The following PRKG1 variants were observed in gnomAD, a reference collection of about 807,000 sequenced individuals.
PRKG1 encodes cGMP-dependent protein kinase 1.
A neutral mutation model predicts 88.1 loss-of-function variants in PRKG1; 35 were observed. That is an observed-to-expected ratio of 0.40 (90% CI 0.30 to 0.53). PRKG1 has a LOEUF of 0.53. PRKG1 is among the 20% of genes least tolerant of loss of function. PRKG1 has a pLI of 0.59. For missense variants in PRKG1, 540 were observed against 839.8 expected (o/e 0.64, Z 4.41); for synonymous variants, 303 against 292.5 (o/e 1.04, Z -0.37).
chr10:51,359,257 T>TA (rs1184581028), intron 2 of PRKG1, among the ~76,000 whole-genome samples: 2 of 151,972 alleles, frequency 1.3e-5, no homozygotes, highest in Admixed American at 1.3e-4. Flanking sequence ...TTATTTAAGT[T>TA]AAAATTTTAG....
At chr10:51,129,071 A>G (rs1048576875) in intron 1 of PRKG1, among the ~76,000 whole-genome samples, 1 of 152,174 alleles carries the variant, frequency 6.6e-6, no homozygotes, top group Non-Finnish European at 1.5e-5. Flanking sequence ...TGATGATGAT[A>G]TTGACATATT....
At chr10:51,539,862 A>T in intron 3 of PRKG1, among the ~76,000 whole-genome samples, 1 of 152,198 alleles carries the variant, frequency 6.6e-6, no homozygotes, top group East Asian at 1.9e-4. Flanking sequence ...TGTTTACACA[A>T]TTTTAGCAAA....
At chr10:51,496,540 C>A (rs1840861096) in intron 3 of PRKG1, among the ~76,000 whole-genome samples, 1 of 152,130 alleles carries the variant, frequency 6.6e-6, no homozygotes, top group Admixed American at 6.6e-5. Context: ...CCAGCTGTCC[C>A]TTGGCAAAAT....
In PRKG1 at chr10:52,249,379, A is replaced by G. The variant is rs139033000; in HGVS notation, c.1077-2191A>G. Among the ~76,000 whole-genome samples, 569 of 152,064 alleles carry G rather than the reference A, an allele frequency of 3.7e-3. 3 individuals are homozygous for G. Among genetic ancestry groups the G allele is most frequent in the African/African-American group, 0.013 (530 of 41,510 alleles). The stretch of plus-strand genomic sequence containing the variant: ...AGGTTTTAACTCTTACTGTGCATCA[A>G]AATCACCTGGGAGCTTTTTAAAAGT... On this transcript the variant is annotated intron_variant, in intron 9 of 17. Transcript: ENST00000373980.
At chr10:51,034,793 C>T (rs1191448198) in intron 1 of PRKG1, among the ~76,000 whole-genome samples, 1 of 146,644 alleles carries the variant, frequency 6.8e-6, no homozygotes, top group African/African-American at 2.5e-5. Context: ...CCATTCTGTA[C>T]CTAATTTTTA....
intron 2 of PRKG1, among the ~76,000 whole-genome samples, chr10:51,401,426 C>A (rs1313564908): frequency 6.6e-6 from 1 of 152,034 alleles, no homozygotes; most frequent in Non-Finnish European, 1.5e-5. Flanking sequence ...CTTGTAATAT[C>A]CTAGGTGTCT....
intron 9 of PRKG1, among the ~76,000 whole-genome samples, chr10:52,188,331 CATATAT>C (rs200027442): frequency 7.2e-6 from 1 of 138,618 alleles, no homozygotes; most frequent in Admixed American, 7.4e-5. Flanking sequence ...TATATATACA[CATATAT>C]ATATATATTT....
chr10:51,636,053 G>A (rs1839648052), intron 3 of PRKG1, among the ~76,000 whole-genome samples: 1 of 152,124 alleles, frequency 6.6e-6, no homozygotes, highest in Admixed American at 6.5e-5. Context: ...AATTTATGAA[G>A]TCATAAATAA....
At chr10:51,141,746 G>T (rs1182118060) in intron 1 of PRKG1, among the ~76,000 whole-genome samples, 3 of 151,932 alleles carry the variant, frequency 2.0e-5, no homozygotes, top group Admixed American at 6.6e-5. Context: ...AAATCTTAAG[G>T]TAGCTAACTC....
chr10:52,224,890 G>T (rs1233305070), intron 9 of PRKG1, among the ~76,000 whole-genome samples: 4 of 146,706 alleles, frequency 2.7e-5, no homozygotes, highest in Admixed American at 6.9e-5. Context: ...TTGATTGATG[G>T]GCATTTGGGT....
chr10:51,989,903 C>A (rs1564741633), intron 5 of PRKG1, among the ~76,000 whole-genome samples: 1 of 152,054 alleles, frequency 6.6e-6, no homozygotes, highest in Non-Finnish European at 1.5e-5. Context: ...ATGGGACTTT[C>A]TCTCTTAAGT....
In PRKG1 at chr10:51,764,975, C is replaced by G. The variant is rs558047208; in HGVS notation, c.593-39610C>G. Among the ~76,000 whole-genome samples the G allele has an allele frequency of 1.2e-3, 182 of 152,280 alleles. 1 individual carries two copies. The highest frequency in any genetic ancestry group is 2.2e-3 in the Non-Finnish European group (153 of 68,024). On this transcript the variant is annotated intron_variant, in intron 3 of 17. Coordinates refer to ENST00000373980, the MANE Select transcript of PRKG1 (RefSeq NM_006258.4). ...CACCAGACACCAGATTGTCTGGCACCTTGATCATGGATGTCTCAGCCTCCT... is the reference window on the plus strand; with the variant it reads ...CACCAGACACCAGATTGTCTGGCACGTTGATCATGGATGTCTCAGCCTCCT...
At position 52,210,973 on chromosome 10, in the gene PRKG1, C is replaced by T. The variant is rs181685328; in HGVS notation, c.1077-40597C>T. The stretch of plus-strand genomic sequence containing the variant: ...TTTTCTTTTTCATCAAAACATTCAT[C>T]ATATAAAATAGCACCTCTAACTGGC... On this transcript the variant is annotated intron_variant, in intron 9 of 17. Transcript: ENST00000373980. 1.8e-3 allele frequency among the ~76,000 whole-genome samples: 281 copies of T among 152,288 alleles called. 2 individuals are homozygous for T. The highest frequency in any genetic ancestry group is 5.0e-4 in the Non-Finnish European group (34 of 68,020).
chr10:51,109,418 A>C (rs1007530456), intron 1 of PRKG1, among the ~76,000 whole-genome samples: 1 of 152,110 alleles, frequency 6.6e-6, no homozygotes, highest in Non-Finnish European at 1.5e-5. Flanking sequence ...GAAACCGACA[A>C]CTGCCCCCCC....
At chr10:51,782,695 C>T (rs941008081) in intron 3 of PRKG1, among the ~76,000 whole-genome samples, 12 of 152,102 alleles carry the variant, frequency 7.9e-5, no homozygotes, top group Non-Finnish European at 1.5e-5. Context: ...GTGAATAAGT[C>T]TCACAGGATC....
chr10:51,299,709 C>G (rs1301946055), intron 2 of PRKG1: 7 of 430,380 alleles, frequency 1.6e-5, no homozygotes, highest in Non-Finnish European at 3.2e-5. Context: ...GTATATTGCT[C>G]TCTGCACATG....
chr10:52,135,194 A>G (rs1837374597), intron 8 of PRKG1, among the ~76,000 whole-genome samples: 1 of 152,110 alleles, frequency 6.6e-6, no homozygotes, highest in African/African-American at 2.4e-5. Flanking sequence ...GAGGTGTTAA[A>G]AAGTGTTAAG....
chr10:51,187,353 CT>C (rs1050765608), intron 2 of PRKG1, among the ~76,000 whole-genome samples: 11 of 151,946 alleles, frequency 7.2e-5, no homozygotes, highest in African/African-American at 2.7e-4. Context: ...ATTTGAAAAA[CT>C]TGGCTATTTC....
At chr10:51,056,029 C>G (rs186761266) in intron 1 of PRKG1, among the ~76,000 whole-genome samples, 24 of 152,216 alleles carry the variant, frequency 1.6e-4, no homozygotes, top group Admixed American at 1.0e-3. Flanking sequence ...ACAATGAAAA[C>G]CTGTAAGTTC....
Sources: allele counts gnomAD v4.1 joint callset (sites outside exome capture counted in the v4.1 genomes callset), GRCh38; gene constraint gnomAD v4.1.1; transcripts MANE v1.5; gene names NCBI Gene and HGNC (gene_info 2026-07-23, HGNC 2026-07-21).